Variants in IKZF3 observed in about 807,000 individuals in gnomAD.
IKZF3 encodes zinc finger protein Aiolos.
IKZF3 carries 10 observed loss-of-function variants against 49.0 expected under a neutral mutation model. The observed-to-expected ratio is 0.20, with a 90% CI of 0.13 to 0.35. The LOEUF (loss-of-function observed/expected upper bound fraction) is 0.35. Among genes scored for constraint, IKZF3 ranks in the 10% least tolerant of loss-of-function variants. The probability of loss-of-function intolerance (pLI) is 1.00; values close to 1 mark genes in which losing one functional copy is unlikely to be tolerated. For synonymous variants in IKZF3, 209 were observed against 228.2 expected, an observed-to-expected ratio of 0.92 and a Z score of 0.76; for missense variants, 498 against 664.8, an observed-to-expected ratio of 0.75 and a Z score of 2.76.
chr17:39,831,140 G>C (rs542420097), intron 2 of IKZF3, among the ~76,000 whole-genome samples: 2 of 152,164 alleles, frequency 1.3e-5, no homozygotes, highest in Non-Finnish European at 2.9e-5. Context: ...CCAGCACTTT[G>C]GGAGGCCGAG....
At chr17:39,840,317 CTG>C (rs1403594936) in intron 1 of IKZF3, among the ~76,000 whole-genome samples, 1 of 152,212 alleles carries the variant, frequency 6.6e-6, no homozygotes. Flanking sequence ...TTTGTCAAAA[CTG>C]TGGATTTTCT....
intron 1 of IKZF3, chr17:39,835,383 C>T (rs1055850017): frequency 1.7e-5 from 8 of 480,740 alleles, no homozygotes; most frequent in East Asian, 5.4e-5. Flanking sequence ...CTTAATGGAC[C>T]GCTCCCCACA....
intron 6 of IKZF3, among the ~76,000 whole-genome samples, chr17:39,783,178 T>C (rs1302710480): frequency 6.6e-6 from 1 of 152,204 alleles, no homozygotes; most frequent in Non-Finnish European, 1.5e-5. Context: ...CAGTAACTAA[T>C]GGAGAGTGGA....
At chr17:39,863,622 G>A (rs1206693244) in intron 1 of IKZF3, among the ~76,000 whole-genome samples, 2 of 152,100 alleles carry the variant, frequency 1.3e-5, no homozygotes, top group Non-Finnish European at 2.9e-5. Flanking sequence ...TTTTTGCGCT[G>A]GGTAAAGAAG....
intron 1 of IKZF3, among the ~76,000 whole-genome samples, chr17:39,855,512 T>C (rs1005556958): frequency 1.3e-5 from 2 of 152,218 alleles, no homozygotes; most frequent in African/African-American, 4.8e-5. Context: ...AAGTCCATAC[T>C]AGGTCATTGA....
chr17:39,793,666 G>A (rs1482374719), intron 3 of IKZF3, among the ~76,000 whole-genome samples: 1 of 152,194 alleles, frequency 6.6e-6, no homozygotes, highest in East Asian at 1.9e-4. Flanking sequence ...GGACCATTAG[G>A]TCCCAAGTTA....
intron 3 of IKZF3, among the ~76,000 whole-genome samples, chr17:39,821,723 A>G (rs2061815304): frequency 1.3e-5 from 2 of 152,140 alleles, no homozygotes; most frequent in South Asian, 2.1e-4. Context: ...TAATGGAAAA[A>G]ATATGTGGGA....
Position 39,773,393 on chromosome 17 carries a change from G to T in IKZF3, c.826+4258C>A, listed in dbSNP as rs188837806. Among the ~76,000 whole-genome samples the T allele has an allele frequency of 6.5e-4, 99 of 152,298 alleles. 1 individual carries two copies. The highest frequency in any genetic ancestry group is 2.2e-3 in the Admixed American group (33 of 15,310). On this transcript the variant is annotated intron_variant, in intron 7 of 7. Coordinates refer to ENST00000346872, the MANE Select transcript of IKZF3 (RefSeq NM_012481.5). ...TTATGGACATCAGGCCTTTGGGAAGGGGTTGGAAAAATACTTTTTTTTCTC... is the reference window on the plus strand; with the variant it reads ...TTATGGACATCAGGCCTTTGGGAAGTGGTTGGAAAAATACTTTTTTTTCTC...
chr17:39,791,727 G>A, intron 4 of IKZF3, 144 bp from the exon 5 acceptor site: 1 of 787,650 alleles, frequency 1.3e-6, no homozygotes. Context: ...TTCAAGGCAA[G>A]CCTAAGACTT....
intron 1 of IKZF3, among the ~76,000 whole-genome samples, chr17:39,856,077 A>G (rs1316297208): frequency 6.7e-6 from 1 of 149,972 alleles, no homozygotes; most frequent in African/African-American, 2.5e-5. Flanking sequence ...TGTATATTGT[A>G]TATGTACAAT....
chr17:39,842,248 G>T (rs2062498250), intron 1 of IKZF3, among the ~76,000 whole-genome samples: 2 of 152,112 alleles, frequency 1.3e-5, no homozygotes, highest in South Asian at 4.1e-4. Context: ...TGGGCATAGT[G>T]GCTCACTCCT....
At chr17:39,818,391 GTA>G (rs1170299386) in intron 3 of IKZF3, among the ~76,000 whole-genome samples, 2 of 152,150 alleles carry the variant, frequency 1.3e-5, no homozygotes, top group East Asian at 3.9e-4. Context: ...ATAATAAAAG[GTA>G]CATAATTGTT....
intron 1 of IKZF3, chr17:39,835,330 A>C (rs2062241080): frequency 1.9e-6 from 1 of 521,178 alleles, no homozygotes; most frequent in Admixed American, 2.0e-5. Flanking sequence ...TGCTTGGCCC[A>C]CTGTAGGGCG....
chr17:39,829,351 C>T (rs1409278171), intron 3 of IKZF3, 36 bp downstream of exon 3: 3 of 1,395,724 alleles, frequency 2.1e-6, no homozygotes, highest in Admixed American at 1.7e-5. Context: ...GCAATATCTA[C>T]AGGCATCAGT....
At chr17:39,816,771 C>T (rs1036562503) in intron 3 of IKZF3, among the ~76,000 whole-genome samples, 15 of 152,350 alleles carry the variant, frequency 9.8e-5, no homozygotes, top group African/African-American at 3.6e-4. Flanking sequence ...CAGGCTTGAG[C>T]ACGATCTCAG....
At chr17:39,863,691 C>G (rs1188062876) in intron 1 of IKZF3, among the ~76,000 whole-genome samples, 2 of 152,132 alleles carry the variant, frequency 1.3e-5, no homozygotes, top group Non-Finnish European at 2.9e-5. Context: ...TAAAATGTAC[C>G]TTTCCCATAT....
At chr17:39,825,832 G>A (rs750318747) in intron 3 of IKZF3, among the ~76,000 whole-genome samples, 1 of 152,164 alleles carries the variant, frequency 6.6e-6, no homozygotes, top group African/African-American at 2.4e-5. Context: ...GGAGAGCATT[G>A]CCCAGAAGAG....
At chr17:39,788,200 T>C in intron 6 of IKZF3, 58 bp downstream of exon 6, 3 of 1,012,248 alleles carry the variant, frequency 3.0e-6, no homozygotes, top group South Asian at 2.7e-5. Flanking sequence ...TTACTTACTA[T>C]TGTATCTCAC....
chr17:39,788,506 A>G, intron 5 of IKZF3, 132 bp from the exon 6 acceptor site: 1 of 623,052 alleles, frequency 1.6e-6, no homozygotes, highest in East Asian at 2.6e-5. Flanking sequence ...ATACTTTTGA[A>G]TCTATATTTT....
Sources: allele counts gnomAD v4.1 joint callset (sites outside exome capture counted in the v4.1 genomes callset), GRCh38; gene constraint gnomAD v4.1.1; transcripts MANE v1.5; gene names NCBI Gene and HGNC (gene_info 2026-07-23, HGNC 2026-07-21).